SNTG1: variants seen among roughly 807,000 people sequenced by gnomAD.
SNTG1 encodes syntrophin gamma 1, also known as gamma-1-syntrophin.
A neutral mutation model predicts 74.7 loss-of-function variants in SNTG1; 39 were observed. That is an observed-to-expected ratio of 0.52 (90% CI 0.40 to 0.68). SNTG1 has a LOEUF of 0.68. SNTG1 is among the 30% of genes least tolerant of loss of function. The pLI, the probability that SNTG1 is intolerant of heterozygous loss-of-function variation, is 0.00. For missense variants in SNTG1, 685 were observed against 609.5 expected, an observed-to-expected ratio of 1.12 and a Z score of -1.30; for synonymous variants, 254 against 217.1, an observed-to-expected ratio of 1.17 and a Z score of -1.49.
intron 2 of SNTG1, among the ~76,000 whole-genome samples, chr8:50,180,785 A>G (rs1414250637): frequency 3.5e-5 from 2 of 56,956 alleles, no homozygotes; most frequent in Non-Finnish European, 6.0e-5. Flanking sequence ...TTTTTAACAA[A>G]GTTTTGCTCT....
intron 14 of SNTG1, 49 bp from the exon 15 acceptor site, chr8:50,658,542 GT>G: frequency 7.4e-7 from 1 of 1,344,014 alleles, no homozygotes; most frequent in Non-Finnish European, 1.1e-6. Flanking sequence ...AAATACAGTG[GT>G]AAATAACTTT....
intron 1 of SNTG1, among the ~76,000 whole-genome samples, chr8:50,116,866 A>G (rs1010692877): frequency 1.4e-4 from 21 of 152,260 alleles, no homozygotes; most frequent in Middle Eastern, 3.4e-3. Flanking sequence ...CTACCTGACC[A>G]TGGCATCAGC....
intron 1 of SNTG1, among the ~76,000 whole-genome samples, chr8:50,169,055 C>T (rs1029847801): frequency 1.3e-5 from 2 of 152,140 alleles, no homozygotes; most frequent in Non-Finnish European, 2.9e-5. Context: ...GATTGTTTCA[C>T]ATTTTTATAT....
intron 1 of SNTG1, among the ~76,000 whole-genome samples, chr8:50,130,510 A>G (rs757725172): frequency 6.6e-5 from 10 of 152,152 alleles, no homozygotes; most frequent in Non-Finnish European, 1.2e-4. Flanking sequence ...ATATTTTACT[A>G]TCATGATAAT....
At chr8:49,938,578 T>TTTTCC in intron 1 of SNTG1, among the ~76,000 whole-genome samples, 1 of 34,326 alleles carries the variant, frequency 2.9e-5, no homozygotes, top group Non-Finnish European at 6.2e-5. Flanking sequence ...TTTTCTTTTC[T>TTTTCC]TTTCTTTTCT....
intron 18 of SNTG1, among the ~76,000 whole-genome samples, chr8:50,754,640 A>C (rs1427773342): frequency 6.6e-6 from 1 of 151,802 alleles, no homozygotes; most frequent in African/African-American, 2.4e-5. Flanking sequence ...ACTGATTTTT[A>C]TATTGTGGTC....
chr8:50,032,689 C>T (rs529228465), intron 1 of SNTG1, among the ~76,000 whole-genome samples: 9 of 152,192 alleles, frequency 5.9e-5, no homozygotes, highest in South Asian at 2.1e-4. Flanking sequence ...GATACAATGT[C>T]GACACTTTTC....
At chr8:50,181,290 T>C (rs1167379826) in intron 2 of SNTG1, among the ~76,000 whole-genome samples, 1 of 152,254 alleles carries the variant, frequency 6.6e-6, no homozygotes, top group Admixed American at 6.5e-5. Context: ...TCTCAGATCC[T>C]GCATCTGGAT....
At chr8:50,168,288 A>C (rs1417653021) in intron 1 of SNTG1, among the ~76,000 whole-genome samples, 1 of 152,198 alleles carries the variant, frequency 6.6e-6, no homozygotes, top group Non-Finnish European at 1.5e-5. Flanking sequence ...CATTGTTAAC[A>C]TAAAGACAAT....
At chr8:50,132,610 G>C (rs184357701) in intron 1 of SNTG1, among the ~76,000 whole-genome samples, 27 of 152,184 alleles carry the variant, frequency 1.8e-4, no homozygotes, top group Admixed American at 6.5e-5. Context: ...TTTGTATCTT[G>C]AAAATCTGTC....
At chr8:50,641,850 G>A (rs1332189658) in intron 13 of SNTG1, among the ~76,000 whole-genome samples, 1 of 152,060 alleles carries the variant, frequency 6.6e-6, no homozygotes, top group Admixed American at 6.6e-5. Context: ...GCTGTCCCAG[G>A]ACCTTGCCAT....
intron 1 of SNTG1, among the ~76,000 whole-genome samples, chr8:49,938,581 T>TC (rs1491485366): frequency 8.8e-5 from 3 of 33,986 alleles, no homozygotes; most frequent in Admixed American, 8.2e-4. Flanking sequence ...TCTTTTCTTT[T>TC]CTTTTCTTTT....
At chr8:50,403,080 GC>G (rs1255704100) in intron 4 of SNTG1, among the ~76,000 whole-genome samples, 1 of 152,172 alleles carries the variant, frequency 6.6e-6, no homozygotes, top group East Asian at 1.9e-4. Flanking sequence ...GTATAATAAT[GC>G]TATTAAAGGC....
intron 15 of SNTG1, among the ~76,000 whole-genome samples, chr8:50,691,317 T>C (rs2095378074): frequency 1.3e-5 from 2 of 152,308 alleles, no homozygotes; most frequent in Admixed American, 1.3e-4. Context: ...ATTTTGCTCG[T>C]TAGTTGATGC....
chr8:50,123,428 C>T lies in SNTG1; in HGVS notation c.-102-49133C>T, dbSNP rs181658156. The stretch of plus-strand genomic sequence containing the variant: ...GATAAACCAGTTGCACAAGAGCAAG[C>T]AAATGATTCAGTTACACTCAGCTAA... On this transcript the variant is annotated intron_variant, in intron 1 of 18. Coordinates refer to ENST00000642720, the MANE Select transcript of SNTG1 (RefSeq NM_018967.5). Among the ~76,000 whole-genome samples the T allele has an allele frequency of 1.8e-4, 26 of 142,338 alleles. 2 individuals carry two copies. Among genetic ancestry groups the T allele is most frequent in the African/African-American group, 6.3e-4 (25 of 39,464 alleles). 93.4% of individuals were successfully genotyped at this position (142,338 alleles called of 152,430 possible).
intron 2 of SNTG1, among the ~76,000 whole-genome samples, chr8:50,181,201 T>C (rs1280525361): frequency 2.0e-5 from 3 of 152,208 alleles, no homozygotes; most frequent in Non-Finnish European, 4.4e-5. Context: ...ACCTCACTTT[T>C]AGTTAACTTA....
chr8:50,584,298 G>A (rs1295100159), intron 12 of SNTG1, among the ~76,000 whole-genome samples: 1 of 150,784 alleles, frequency 6.6e-6, no homozygotes, highest in East Asian at 2.0e-4. Flanking sequence ...GGATGGCTGG[G>A]TCAAATGGTA....
At chr8:50,704,526 G>A (rs1418212967) in intron 15 of SNTG1, 74 bp from the exon 16 acceptor site, 3 of 1,595,668 alleles carry the variant, frequency 1.9e-6, no homozygotes, top group African/African-American at 2.7e-5. Flanking sequence ...CTGCACCTTG[G>A]TCCAGTCAGG....
At chr8:50,457,193 G>T (rs1470752401) in intron 8 of SNTG1, 2 of 152,094 alleles carry the variant, frequency 1.3e-5, no homozygotes, top group African/African-American at 4.8e-5. Flanking sequence ...TTATTGCTTA[G>T]GTCTTTTTCA....
Sources: allele counts gnomAD v4.1 joint callset (sites outside exome capture counted in the v4.1 genomes callset), GRCh38; gene constraint gnomAD v4.1.1; transcripts MANE v1.5; gene names NCBI Gene and HGNC (gene_info 2026-07-23, HGNC 2026-07-21).